Variants in SSR2 observed in about 807,000 individuals in gnomAD.
SSR2 encodes the protein translocon-associated protein subunit beta.
Under a neutral mutation model 22.6 loss-of-function variants are expected in SSR2, and 16 were observed. That is an observed-to-expected ratio of 0.71 (90% CI 0.48 to 1.08). The LOEUF (loss-of-function observed/expected upper bound fraction) is 1.08, where lower values mean the gene tolerates loss of function less well. Ranked by LOEUF, SSR2 falls within the 50% of genes least tolerant of loss-of-function variation. The pLI is 0.00. For synonymous variants in SSR2, 83 were observed against 91.2 expected (o/e 0.91, Z 0.51); for missense variants, 171 against 221.6 (o/e 0.77, Z 1.45).
chr1:156,018,160 T>C (rs1223135356), intron 3 of SSR2, 110 bp downstream of exon 3: 2 of 757,256 alleles, frequency 2.6e-6, no homozygotes, highest in Non-Finnish European at 4.6e-6. Flanking sequence ...TCCAGAGAGA[T>C]GACAGGAGGA....
intron 3 of SSR2, among the ~76,000 whole-genome samples, chr1:156,017,453 G>A (rs1479150123): frequency 6.6e-6 from 1 of 152,082 alleles, no homozygotes; most frequent in East Asian, 1.9e-4. Context: ...GGGTTCAAGC[G>A]ATTCTCCTAC....
chr1:156,011,845 G>T lies in SSR2; in HGVS notation c.406C>A (p.Gln136Lys). The T allele has an allele frequency of 6.2e-7, 1 of 1,614,060 alleles. No homozygotes were observed. The highest frequency in any genetic ancestry group is 2.2e-5 in the East Asian group (1 of 44,870). ...GAGAATCGCCTGTCAAACTCCCGCT[G>T]AGCCAGGATTCCTCCCTGTCCAGGT... ...SAPGQGGILA[Q>K]REFDRRFSPH... Residue 136 changes from glutamine to lysine, a missense_variant, in exon 5 of 6, where the codon CAG becomes AAG. Physicochemically the swap from Gln to Lys is moderately conservative, Grantham distance 53. Transcript: ENST00000295702.
At chr1:156,018,239 G>A (rs373487306) in intron 3 of SSR2, 31 bp downstream of exon 3, 16 of 1,574,080 alleles carry the variant, frequency 1.0e-5, no homozygotes, top group African/African-American at 4.1e-5. Context: ...CCTGCCCCCC[G>A]ACCCTTCATC....
At chr1:156,013,322 G>A (rs1683004343) in intron 4 of SSR2, 1 of 152,768 alleles carries the variant, frequency 6.5e-6, no homozygotes, top group Non-Finnish European at 1.5e-5. Context: ...AGTTACTCGG[G>A]AGGCTGAGGC....
chr1:156,018,222 G>C, intron 3 of SSR2, 48 bp downstream of exon 3: 1 of 1,456,146 alleles, frequency 6.9e-7, no homozygotes, highest in Non-Finnish European at 9.6e-7. Flanking sequence ...TTGCAGGCAA[G>C]GCTCTCCCTG....
intron 5 of SSR2, 169 bp downstream of exon 5, chr1:156,011,641 C>T: frequency 1.9e-6 from 1 of 525,236 alleles, no homozygotes; most frequent in Admixed American, 2.9e-5. Context: ...CCAAAAATCT[C>T]TGGACATGGC....
At chr1:156,018,237 C>A in intron 3 of SSR2, 33 bp downstream of exon 3, 1 of 1,567,384 alleles carries the variant, frequency 6.4e-7, no homozygotes, top group South Asian at 1.1e-5. Flanking sequence ...TCCCTGCCCC[C>A]CGACCCTTCA....
At chr1:156,020,812 C>A (rs1050345861) in intron 1 of SSR2, 76 bp downstream of exon 1, 2 of 451,180 alleles carry the variant, frequency 4.4e-6, no homozygotes, top group Non-Finnish European at 9.4e-6. Context: ...CCCTAGCTAA[C>A]CCCCAGCCAC....
At position 156,018,333 on chromosome 1, in the gene SSR2, A is replaced by T. The variant is rs1202592850; in HGVS notation, c.191T>A (p.Phe64Tyr). Residue 64 changes from phenylalanine (F) to tyrosine (Y), a missense_variant, in exon 3 of 6, where the codon TTC becomes TAC. Coordinates refer to ENST00000295702, the MANE Select transcript of SSR2 (RefSeq NM_003145.4). Reference protein sequence around the residue: ...ALDVELSDDSFPPEDFGIVSG... With the variant: ...ALDVELSDDSYPPEDFGIVSG... Reference sequence around the variant, plus strand: ...CACAATGCCAAAGTCTTCTGGAGGGAAGGAATCATCAGATAGTTCCACGTC... The same window carrying T: ...CACAATGCCAAAGTCTTCTGGAGGGTAGGAATCATCAGATAGTTCCACGTC... 1.2e-6 allele frequency: 2 copies of T among 1,613,590 alleles called. No homozygotes were observed. The highest frequency in any genetic ancestry group is 1.7e-6 in the Non-Finnish European group (2 of 1,179,854).
At position 156,020,102 on chromosome 1, in the gene SSR2, C is replaced by T; in HGVS notation, c.66G>A (p.Arg22=). The T allele has an allele frequency of 6.2e-7, 1 of 1,614,188 alleles. No homozygotes were observed. Among genetic ancestry groups the T allele is most frequent in the Non-Finnish European group, 8.5e-7 (1 of 1,180,028 alleles). ...TCAGCAGTGATTTGGAAGCCAAAAGCCTGGCTCCTTCCTCTGCTTGAGTGA... is the reference window on the plus strand; with the variant it reads ...TCAGCAGTGATTTGGAAGCCAAAAGTCTGGCTCCTTCCTCTGCTTGAGTGA... ...FAVTQAEEGA[R]LLASKSLLNR... Residue 22 remains arginine (R), a synonymous_variant, in exon 2 of 6, where the codon AGG becomes AGA. Coordinates refer to ENST00000295702, the MANE Select transcript of SSR2 (RefSeq NM_003145.4).
At chr1:156,019,632 G>A (rs1479203589) in intron 2 of SSR2, among the ~76,000 whole-genome samples, 1 of 152,156 alleles carries the variant, frequency 6.6e-6, no homozygotes, top group Non-Finnish European at 1.5e-5. Flanking sequence ...CAATCCGCCC[G>A]CCTCAGCCTC....
intron 1 of SSR2, 95 bp downstream of exon 1, chr1:156,020,793 C>G: frequency 2.3e-6 from 1 of 438,628 alleles, no homozygotes; most frequent in Non-Finnish European, 4.9e-6. Flanking sequence ...CTCTGCCCTT[C>G]CCGCCCTCCC....
At chr1:156,019,731 T>C (rs908191962) in intron 2 of SSR2, among the ~76,000 whole-genome samples, 2 of 152,150 alleles carry the variant, frequency 1.3e-5, no homozygotes, top group African/African-American at 4.8e-5. Flanking sequence ...ATTGTGTATT[T>C]TCTGTGTCTT....
At chr1:156,011,781 C>T (rs186787854) in intron 5 of SSR2, 29 bp downstream of exon 5, 79 of 1,585,490 alleles carry the variant, frequency 5.0e-5, no homozygotes, top group Non-Finnish European at 6.4e-5. Context: ...TACCAAGGAA[C>T]TGATGAGAGA....
Position 156,018,329 on chromosome 1 carries a change from A to G in SSR2, c.195T>C (p.Pro65=), listed in dbSNP as rs1683092252. ...CAGACACAATGCCAAAGTCTTCTGG[A>G]GGGAAGGAATCATCAGATAGTTCCA... The part of the protein sequence containing the change: ...LDVELSDDSF[P]PEDFGIVSGM... Residue 65 remains proline (P), a synonymous_variant, in exon 3 of 6, where the codon CCT becomes CCC. Transcript: ENST00000295702. The G allele has an allele frequency of 6.2e-7, 1 of 1,613,720 alleles. No homozygotes were observed. Among genetic ancestry groups the G allele is most frequent in the Non-Finnish European group, 8.5e-7 (1 of 1,179,906 alleles).
At chr1:156,020,701 C>A in intron 1 of SSR2, 187 bp downstream of exon 1, 1 of 244,174 alleles carries the variant, frequency 4.1e-6, no homozygotes, top group Non-Finnish European at 7.9e-6. Context: ...CTTGGTCCCA[C>A]GGGCGGGGGG....
At chr1:156,018,055 A>G in intron 3 of SSR2, 2 of 415,286 alleles carry the variant, frequency 4.8e-6, no homozygotes, top group Non-Finnish European at 8.8e-6. Flanking sequence ...AGCTTGTTTC[A>G]GGGTCTTATA....
intron 2 of SSR2, among the ~76,000 whole-genome samples, 160 bp from the exon 3 acceptor site, chr1:156,018,528 T>C (rs951620654): frequency 2.6e-5 from 4 of 151,682 alleles, no homozygotes; most frequent in African/African-American, 9.7e-5. Context: ...GCCAACATGG[T>C]GAAACCCTGT....
In SSR2 at chr1:156,009,263, A is replaced by T. The variant is rs1202047529; in HGVS notation, c.*277T>A. The T allele has an allele frequency of 1.2e-5, 4 of 345,554 alleles. No individual in the cohort carries two copies. Among genetic ancestry groups the T allele is most frequent in the Non-Finnish European group, 2.1e-5 (4 of 189,928 alleles). 21.4% of individuals were successfully genotyped at this position (345,554 alleles called of 1,614,324 possible). The stretch of plus-strand genomic sequence containing the variant: ...TTCACGTTGCCAGCAATAAACCAAC[A>T]GCACCTCAGTGGGGCATCAGAGGGC... On this transcript the variant is annotated 3_prime_UTR_variant, in exon 6 of 6. Transcript: ENST00000295702.
Sources: allele counts gnomAD v4.1 joint callset (sites outside exome capture counted in the v4.1 genomes callset), GRCh38; gene constraint gnomAD v4.1.1; transcripts MANE v1.5; gene names NCBI Gene and HGNC (gene_info 2026-07-23, HGNC 2026-07-21).